The following FSTL5 variants were observed in gnomAD, a reference collection of about 807,000 sequenced individuals.
The protein encoded by FSTL5 is follistatin like 5, also known as follistatin-related protein 5.
In FSTL5, 62 loss-of-function variants were observed where a neutral mutation model predicts 89.1. That is an observed-to-expected ratio of 0.70 (90% CI 0.57 to 0.86). The LOEUF is 0.86. Among genes scored for constraint, FSTL5 ranks in the 40% least tolerant of loss-of-function variants. FSTL5 has a pLI of 0.00. For synonymous variants in FSTL5, 383 were observed against 346.2 expected (o/e 1.11, Z -1.18); for missense variants, 1,057 against 1,001.6 (o/e 1.06, Z -0.75).
rs150752474 is a variant in FSTL5, at chr4:161,655,730, A to C, written c.894+598T>G. The stretch of plus-strand genomic sequence containing the variant: ...AAATAGTTTTAGAAATGTTCTATAA[A>C]TTAACAACATATATTTTTAGATGCA... On this transcript the variant is annotated intron_variant, in intron 7 of 15. Transcript: ENST00000306100. 5.6e-3 allele frequency among the ~76,000 whole-genome samples: 858 copies of C among 152,306 alleles called. 4 individuals are homozygous for C. The highest frequency in any genetic ancestry group is 8.9e-3 in the Non-Finnish European group (608 of 68,012).
intron 6 of FSTL5, among the ~76,000 whole-genome samples, chr4:161,679,045 G>C (rs1737423781): frequency 6.6e-6 from 1 of 151,636 alleles, no homozygotes; most frequent in South Asian, 2.1e-4. Flanking sequence ...AGTAAATACT[G>C]TAGCAAGTAC....
Position 161,711,718 on chromosome 4 carries a change from A to T in FSTL5, c.727+47693T>A, listed in dbSNP as rs140526840. Among the ~76,000 whole-genome samples, 1,741 of 152,276 alleles carry T rather than the reference A, an allele frequency of 0.011. 40 individuals carry two copies. In the South Asian group the frequency reaches 0.12, roughly 10 times the overall value. ...CAGTATCCCTTATGAATATTAATAT[A>T]AAAATCCTCAACAAAATACAAACAA... On this transcript the variant is annotated intron_variant, in intron 6 of 15. Coordinates refer to ENST00000306100, the MANE Select transcript of FSTL5 (RefSeq NM_020116.5).
intron 7 of FSTL5, among the ~76,000 whole-genome samples, chr4:161,636,446 G>GTTTTTTT (rs796867744): frequency 2.7e-5 from 3 of 109,770 alleles, no homozygotes; most frequent in African/African-American, 3.5e-5. Context: ...TCTGGCAGTT[G>GTTTTTTT]TTTTTTTTTT....
intron 8 of FSTL5, among the ~76,000 whole-genome samples, chr4:161,585,228 C>A (rs773453391): frequency 6.6e-6 from 1 of 152,106 alleles, no homozygotes; most frequent in Admixed American, 6.6e-5. Context: ...TGGAGCATGG[C>A]AAATGAGTAA....
At chr4:162,077,212 G>A (rs906584855) in intron 2 of FSTL5, among the ~76,000 whole-genome samples, 1 of 151,816 alleles carries the variant, frequency 6.6e-6, no homozygotes, top group African/African-American at 2.4e-5. Flanking sequence ...GAGGGCAAGA[G>A]AGTGAGGGAG....
intron 13 of FSTL5, among the ~76,000 whole-genome samples, chr4:161,473,761 A>G (rs909273343): frequency 6.6e-6 from 1 of 152,154 alleles, no homozygotes; most frequent in East Asian, 1.9e-4. Flanking sequence ...ATGGAGACAT[A>G]TATTAGTATA....
intron 4 of FSTL5, among the ~76,000 whole-genome samples, chr4:161,907,344 G>T (rs1733566756): frequency 6.6e-6 from 1 of 151,894 alleles, no homozygotes; most frequent in Admixed American, 6.6e-5. Context: ...CCTTATACAG[G>T]GAATTAACAC....
chr4:162,067,290 T>G (rs1197399035), intron 2 of FSTL5, among the ~76,000 whole-genome samples: 1 of 152,084 alleles, frequency 6.6e-6, no homozygotes, highest in Non-Finnish European at 1.5e-5. Flanking sequence ...TGGGCTCAAG[T>G]GATCTGCCTG....
intron 9 of FSTL5, among the ~76,000 whole-genome samples, chr4:161,539,201 G>A (rs1731736352): frequency 6.6e-6 from 1 of 151,582 alleles, no homozygotes; most frequent in African/African-American, 2.4e-5. Context: ...CTGTGTGTGT[G>A]TTTGTGTACA....
At chr4:161,612,599 AGTC>A (rs1734690374) in intron 7 of FSTL5, among the ~76,000 whole-genome samples, 1 of 152,248 alleles carries the variant, frequency 6.6e-6, no homozygotes, top group Non-Finnish European at 1.5e-5. Context: ...AGAGACAAAA[AGTC>A]ATGTAATTCA....
At chr4:161,555,137 C>T (rs940254817) in intron 8 of FSTL5, among the ~76,000 whole-genome samples, 4 of 151,548 alleles carry the variant, frequency 2.6e-5, no homozygotes, top group African/African-American at 9.6e-5. Context: ...TCATAAACTT[C>T]GGTGAGTTTT....
At chr4:161,579,922 T>C (rs1360975492) in intron 8 of FSTL5, among the ~76,000 whole-genome samples, 2 of 152,088 alleles carry the variant, frequency 1.3e-5, no homozygotes, top group Admixed American at 6.5e-5. Context: ...CTTGGTTCTT[T>C]GGACTTTGCA....
intron 3 of FSTL5, among the ~76,000 whole-genome samples, chr4:161,966,749 C>T (rs1191215423): frequency 2.0e-5 from 3 of 152,052 alleles, no homozygotes; most frequent in African/African-American, 7.2e-5. Flanking sequence ...GGACTTCAAA[C>T]ATCCAGAACT....
intron 6 of FSTL5, among the ~76,000 whole-genome samples, chr4:161,702,206 A>G (rs189026610): frequency 1.1e-3 from 167 of 152,314 alleles, no homozygotes; most frequent in Non-Finnish European, 2.0e-3. Context: ...TCAAGTTGTA[A>G]GTAAAACCAC....
At chr4:161,914,382 G>C (rs936681873) in intron 4 of FSTL5, among the ~76,000 whole-genome samples, 2 of 151,580 alleles carry the variant, frequency 1.3e-5, no homozygotes, top group Admixed American at 1.3e-4. Context: ...ATATATCACA[G>C]GGGAAAATTT....
intron 6 of FSTL5, among the ~76,000 whole-genome samples, chr4:161,695,239 C>T (rs960606302): frequency 6.6e-6 from 1 of 151,960 alleles, no homozygotes; most frequent in African/African-American, 2.4e-5. Flanking sequence ...CCCCAAAGTC[C>T]ATTGTGTCAT....
At chr4:161,758,665 G>A (rs759318149) in intron 6 of FSTL5, among the ~76,000 whole-genome samples, 1 of 152,046 alleles carries the variant, frequency 6.6e-6, no homozygotes, top group East Asian at 1.9e-4. Context: ...TTACAGGCGC[G>A]CAGCACCACA....
rs1579075834 is a variant in FSTL5 at position 162,163,715 on chromosome 4, T to C, written c.-117A>G. ...AAAACTCTCAAAAGATCGTCTTAGC[T>C]GGGGAAAAAAAAATAGTTTGGTCTA... On this transcript the variant is annotated 5_prime_UTR_variant, in exon 1 of 16. Transcript: ENST00000306100. 6.7e-6 allele frequency: 1 copy of C among 149,006 alleles called. No individual in the cohort carries two copies. The highest frequency in any genetic ancestry group is 1.5e-5 in the Non-Finnish European group (1 of 67,492). 9.2% of individuals were successfully genotyped at this position (149,006 alleles called of 1,614,324 possible). A position where few individuals can be genotyped will look rare whatever the true frequency, so the allele number is the denominator to read the frequency against.
At chr4:161,611,610 A>G (rs1734654760) in intron 7 of FSTL5, among the ~76,000 whole-genome samples, 1 of 152,096 alleles carries the variant, frequency 6.6e-6, no homozygotes, top group Admixed American at 6.6e-5. Flanking sequence ...CAACTAACCA[A>G]TGAGTTGCCT....
Sources: gnomAD v4.1 joint callset for allele counts (sites outside exome capture counted in the v4.1 genomes callset) on GRCh38, gnomAD v4.1.1 for gene constraint, MANE v1.5 for transcripts, NCBI Gene and HGNC (gene_info 2026-07-23, HGNC 2026-07-21) for gene names.